SLC25A40: variants seen among roughly 807,000 people sequenced by gnomAD.
SLC25A40 encodes the protein mitochondrial glutathione transporter SLC25A40.
A neutral mutation model predicts 46.5 loss-of-function variants in SLC25A40; 41 were observed. The ratio of observed to expected loss-of-function variants is 0.88; its 90% CI spans 0.69 to 1.14. SLC25A40 has a LOEUF of 1.14. SLC25A40 is among the 50% of genes most tolerant of loss of function. The pLI is 0.00. For missense variants in SLC25A40, 386 were observed against 393.6 expected (o/e 0.98, Z 0.16); for synonymous variants, 126 against 127.5 (o/e 0.99, Z 0.08).
chr7:87,842,096 C>A, intron 9 of SLC25A40: 1 of 296,894 alleles, frequency 3.4e-6, no homozygotes, highest in South Asian at 3.0e-5. Context: ...TCTCAAGTAT[C>A]TAGTGAGCAT....
chr7:87,835,692 T>G lies in SLC25A40; in HGVS notation c.*557A>C, dbSNP rs1014635695. On this transcript the variant is annotated 3_prime_UTR_variant, in exon 12 of 12. Transcript: ENST00000341119. ...AGAAATGTTAATACATATGAAGCCTTAAAACAGCAACATGGCGGGGAAGGA... is the reference window on the plus strand; with the variant it reads ...AGAAATGTTAATACATATGAAGCCTGAAAACAGCAACATGGCGGGGAAGGA... The G allele has an allele frequency of 3.3e-5, 5 of 152,044 alleles. No individual in the cohort carries two copies. Among genetic ancestry groups the G allele is most frequent in the Non-Finnish European group, 7.4e-5 (5 of 68,008 alleles). 9.4% of individuals were successfully genotyped at this position (152,044 alleles called of 1,614,324 possible).
intron 1 of SLC25A40, among the ~76,000 whole-genome samples, chr7:87,862,716 G>A (rs563336576): frequency 1.3e-5 from 2 of 152,168 alleles, no homozygotes; most frequent in South Asian, 2.1e-4. Flanking sequence ...CCCAAGACTG[G>A]GCAATTAACA....
Position 87,843,811 on chromosome 7 carries a change from A to G in SLC25A40, c.684T>C (p.Ser228=), listed in dbSNP as rs1273973750. Residue 228 remains serine, a synonymous_variant, in exon 9 of 12, where the codon TCT becomes TCC. Transcript: ENST00000341119. ...TCATAAATGTTGGCTCATATAAACCAGATTTCTCACATAACCACTTCTTTA... is the reference window on the plus strand; with the variant it reads ...TCATAAATGTTGGCTCATATAAACCGGATTTCTCACATAACCACTTCTTTA... ...EILKKWLCEK[S]GLYEPTFMIN... is the part of the protein sequence containing the mutation. 6.2e-7 allele frequency: 1 copy of G among 1,611,574 alleles called. No homozygotes were observed. The highest frequency in any genetic ancestry group is 2.2e-5 in the East Asian group (1 of 44,692).
chr7:87,841,794 T>C (rs182040846), intron 9 of SLC25A40, 80 bp from the exon 10 acceptor site: 2 of 743,786 alleles, frequency 2.7e-6, no homozygotes, highest in Admixed American at 7.1e-5. Flanking sequence ...CTTATTAGTA[T>C]ATTATTTAAG....
chr7:87,856,048 G>A lies in SLC25A40; in HGVS notation c.157+244C>T, dbSNP rs549601384. Among the ~76,000 whole-genome samples, 24 of 152,096 alleles carry A rather than the reference G, an allele frequency of 1.6e-4. No individual in the cohort carries two copies. The South Asian group carries it at 4.8e-3, about 30-fold the overall frequency. ...AATATAATTCTGTTCTTACCTCTGA[G>A]GCACAAATACAAATACATAACCATC... is the stretch of plus-strand genomic sequence containing the variant. On this transcript the variant is annotated intron_variant, in intron 4 of 11. Coordinates refer to ENST00000341119, the MANE Select transcript of SLC25A40 (RefSeq NM_018843.4).
intron 1 of SLC25A40, among the ~76,000 whole-genome samples, chr7:87,871,350 C>T (rs1441581389): frequency 6.6e-6 from 1 of 152,202 alleles, no homozygotes; most frequent in East Asian, 1.9e-4. Flanking sequence ...GAAAGTGAAT[C>T]TTGCCAACAA....
intron 10 of SLC25A40, chr7:87,837,033 T>C (rs1451585908): frequency 3.9e-6 from 1 of 256,508 alleles, no homozygotes; most frequent in Non-Finnish European, 7.4e-6. Flanking sequence ...TAGGACTGGA[T>C]GCAATTAAGG....
rs1411802141 is a variant in SLC25A40, at chr7:87,834,391, A to AAGT, written c.*1855_*1857dup. On this transcript the variant is annotated 3_prime_UTR_variant, in exon 12 of 12. Transcript: ENST00000341119. ...CTTTTTGGTTGTTAGTATATTTTAA[A>AAGT]AGTATTAATATTTCTTTTTACCTCT... The AAGT allele has an allele frequency of 6.6e-6, 1 of 151,720 alleles. No homozygotes were observed. The highest frequency in any genetic ancestry group is 2.4e-5 in the African/African-American group (1 of 41,394). 9.4% of individuals were successfully genotyped at this position (151,720 alleles called of 1,614,324 possible).
At chr7:87,857,664 C>A (rs1311483011) in intron 3 of SLC25A40, among the ~76,000 whole-genome samples, 1 of 152,194 alleles carries the variant, frequency 6.6e-6, no homozygotes, top group Non-Finnish European at 1.5e-5. Flanking sequence ...ATCTCTTAAT[C>A]CTGTTATTTT....
rs1306400911 is a variant in SLC25A40, at chr7:87,847,911, T to C, written c.399A>G (p.Arg133=). The C allele has an allele frequency of 6.2e-7, 1 of 1,611,690 alleles. No individual in the cohort carries two copies. Residue 133 remains arginine (R), a synonymous_variant, in exon 7 of 12, where the codon AGA becomes AGG. Coordinates refer to ENST00000341119, the MANE Select transcript of SLC25A40 (RefSeq NM_018843.4). ...TCYDQLSALL[R]SKLGENETCI... ...AGGTTTCATTTTCTCCTAACTTAGA[T>C]CTCAGAAGAGCACTTAATTGATCAT...
intron 1 of SLC25A40, among the ~76,000 whole-genome samples, chr7:87,864,208 A>C (rs1838752489): frequency 6.6e-6 from 1 of 152,202 alleles, no homozygotes; most frequent in Non-Finnish European, 1.5e-5. Flanking sequence ...CTTTAGGACT[A>C]TTTTAAAAAT....
intron 2 of SLC25A40, among the ~76,000 whole-genome samples, chr7:87,859,920 G>T (rs1838672612): frequency 1.3e-5 from 2 of 152,070 alleles, no homozygotes; most frequent in African/African-American, 4.8e-5. Flanking sequence ...ACAGGGCCAG[G>T]TGTGGTGGCT....
At chr7:87,866,562 A>ACAT (rs1491425380) in intron 1 of SLC25A40, among the ~76,000 whole-genome samples, 1 of 152,186 alleles carries the variant, frequency 6.6e-6, no homozygotes, top group African/African-American at 2.4e-5. Context: ...CCTGCATGAG[A>ACAT]CATTCATGGG....
At chr7:87,840,599 T>A (rs898259157) in intron 10 of SLC25A40, among the ~76,000 whole-genome samples, 1 of 151,072 alleles carries the variant, frequency 6.6e-6, no homozygotes, top group African/African-American at 2.4e-5. Context: ...AAATAGAAAT[T>A]CTGATGAGAA....
At chr7:87,873,414 G>C (rs933734517) in intron 1 of SLC25A40, among the ~76,000 whole-genome samples, 2 of 150,420 alleles carry the variant, frequency 1.3e-5, no homozygotes, top group African/African-American at 4.9e-5. Flanking sequence ...GTAAATTCTA[G>C]CATAGAAAGG....
At chr7:87,858,075 TAC>T (rs1838642497) in intron 3 of SLC25A40, among the ~76,000 whole-genome samples, 1 of 152,208 alleles carries the variant, frequency 6.6e-6, no homozygotes, top group Admixed American at 6.5e-5. Context: ...TCTCCTGCAG[TAC>T]CCTCAGGCTT....
intron 5 of SLC25A40, among the ~76,000 whole-genome samples, chr7:87,851,653 T>A (rs906646043): frequency 6.6e-6 from 1 of 152,244 alleles, no homozygotes; most frequent in Non-Finnish European, 1.5e-5. Context: ...GTGGAAACCA[T>A]ATAGAAAGCC....
intron 1 of SLC25A40, among the ~76,000 whole-genome samples, chr7:87,870,826 TC>T (rs1838885203): frequency 6.6e-6 from 1 of 152,078 alleles, no homozygotes; most frequent in South Asian, 2.1e-4. Flanking sequence ...GCAATAAAAC[TC>T]CCTGCATTTA....
chr7:87,845,888 C>A (rs899192452), intron 8 of SLC25A40, among the ~76,000 whole-genome samples: 3 of 152,036 alleles, frequency 2.0e-5, no homozygotes, highest in African/African-American at 7.2e-5. Context: ...TCTTACATTG[C>A]TGGTAGGTAT....
Sources: gnomAD v4.1 joint callset for allele counts (sites outside exome capture counted in the v4.1 genomes callset) on GRCh38, gnomAD v4.1.1 for gene constraint, MANE v1.5 for transcripts, NCBI Gene and HGNC (gene_info 2026-07-23, HGNC 2026-07-21) for gene names.